The following ANXA4 variants were observed in gnomAD, a reference collection of about 807,000 sequenced individuals.
The protein encoded by ANXA4 is 35-beta calcimedin.
ANXA4 carries 39 observed loss-of-function variants against 49.8 expected under a neutral mutation model. The ratio of observed to expected loss-of-function variants is 0.78; its 90% CI spans 0.61 to 1.02. The LOEUF (loss-of-function observed/expected upper bound fraction) is 1.02, where lower values mean the gene tolerates loss of function less well. Among genes scored for constraint, ANXA4 ranks in the 50% least tolerant of loss-of-function variants. The pLI, the probability that ANXA4 is intolerant of heterozygous loss-of-function variation, is 0.00. For missense variants in ANXA4, 360 were observed against 410.1 expected, an observed-to-expected ratio of 0.88 and a Z score of 1.05; for synonymous variants, 134 against 152.5, an observed-to-expected ratio of 0.88 and a Z score of 0.89.
chr2:69,775,667 T>C (rs1671932677), intron 1 of ANXA4, among the ~76,000 whole-genome samples: 1 of 152,232 alleles, frequency 6.6e-6, no homozygotes, highest in East Asian at 1.9e-4. Flanking sequence ...AGAGCATGTA[T>C]AGGAGAGGCT....
intron 2 of ANXA4, among the ~76,000 whole-genome samples, chr2:69,702,159 G>GCAC (rs1678349433): frequency 6.6e-6 from 1 of 150,940 alleles, no homozygotes; most frequent in African/African-American, 2.4e-5. Flanking sequence ...TTACAGGTGT[G>GCAC]CGCCACCACC....
At chr2:69,700,303 G>C (rs1161138566) in intron 2 of ANXA4, 1 of 152,116 alleles carries the variant, frequency 6.6e-6, no homozygotes, top group Non-Finnish European at 1.5e-5. Flanking sequence ...GATCTCTTGA[G>C]CCCAGGAGTT....
intron 2 of ANXA4, among the ~76,000 whole-genome samples, chr2:69,667,320 C>A (rs544360139): frequency 6.6e-6 from 1 of 151,876 alleles, no homozygotes; most frequent in Admixed American, 6.6e-5. Context: ...TAAACTGGCA[C>A]GTGAATACCT....
intron 3 of ANXA4, among the ~76,000 whole-genome samples, chr2:69,792,653 C>A (rs1188426018): frequency 1.3e-5 from 2 of 151,744 alleles, no homozygotes; most frequent in Non-Finnish European, 2.9e-5. Context: ...TAAGACAATT[C>A]TTTATTTCTA....
In ANXA4 at chr2:69,820,700, G is replaced by T; in HGVS notation, c.785G>T (p.Gly262Val). The change falls in exon 12 of 13, where the codon GGC becomes GTC. Residue 262 changes from glycine (G) to valine (V), a missense_variant and splice_region_variant. Coordinates refer to ENST00000394295, the MANE Select transcript of ANXA4 (RefSeq NM_001153.5). ...TTTGGATTTCGTTTTCTTCCTTAGG[G>T]CTTGGGCACCGATGATAACACCCTC... The part of the protein sequence containing the change: ...FAEKLYKSMK[G>V]LGTDDNTLIR... 1 of 1,613,738 alleles carries T rather than the reference G, an allele frequency of 6.2e-7. No individual in the cohort carries two copies. The highest frequency in any genetic ancestry group is 8.5e-7 in the Non-Finnish European group (1 of 1,179,888).
Position 69,722,725 on chromosome 2 carries a change from T to A in ANXA4, n.864+1854T>A, listed in dbSNP as rs1573147560. 3.3e-5 allele frequency among the ~76,000 whole-genome samples: 5 copies of A among 152,070 alleles called. No individual in the cohort carries two copies. In the South Asian group the frequency reaches 1.0e-3, roughly 32 times the overall value. ...TGCACAACATCGTGAATTTAATTAA[T>A]GCCACTGAATTTATGCACGTCAAAA... On this transcript the variant is annotated intron_variant and non_coding_transcript_variant, in intron 3 of 3. Coordinates refer to the ANXA4 transcript ENST00000418066.
intron 1 of ANXA4, 166 bp from the exon 2 acceptor site, chr2:69,781,354 A>T: frequency 1.6e-6 from 1 of 613,832 alleles, no homozygotes; most frequent in Non-Finnish European, 2.9e-6. Flanking sequence ...CAGTTTCTCT[A>T]ATTAGCCCAT....
At chr2:69,679,200 G>A (rs2105354707) in intron 2 of ANXA4, among the ~76,000 whole-genome samples, 1 of 152,190 alleles carries the variant, frequency 6.6e-6, no homozygotes, top group South Asian at 2.1e-4. Flanking sequence ...ACAGTGGCAT[G>A]ATCACAGCTC....
At chr2:69,805,605 A>T (rs1375722989) in intron 4 of ANXA4, among the ~76,000 whole-genome samples, 1 of 108,464 alleles carries the variant, frequency 9.2e-6, no homozygotes, top group Non-Finnish European at 1.6e-5. Context: ...GACTCCATCT[A>T]AAAAAAAAAA....
chr2:69,819,191 T>G, intron 10 of ANXA4, 89 bp from the exon 11 acceptor site: 2 of 954,656 alleles, frequency 2.1e-6, no homozygotes, highest in Non-Finnish European at 3.1e-6. Context: ...ATTGATACCT[T>G]GTAGAAACAG....
intron 7 of ANXA4, among the ~76,000 whole-genome samples, chr2:69,811,727 T>C (rs1005850726): frequency 2.0e-5 from 3 of 152,226 alleles, no homozygotes; most frequent in African/African-American, 7.2e-5. Context: ...CTTGCCTGTT[T>C]CTGTTAATAT....
chr2:69,645,199 T>TTTGTTG, intron 1 of ANXA4, among the ~76,000 whole-genome samples: 1 of 152,196 alleles, frequency 6.6e-6, no homozygotes, highest in African/African-American at 2.4e-5. Flanking sequence ...AACAGTAGCG[T>TTTGTTG]TTGTTGTTGC....
At chr2:69,686,607 C>T (rs1253960290) in intron 2 of ANXA4, among the ~76,000 whole-genome samples, 1 of 152,168 alleles carries the variant, frequency 6.6e-6, no homozygotes, top group East Asian at 1.9e-4. Context: ...CGTGCCCCAC[C>T]ATGCTTGGCT....
chr2:69,669,284 A>G (rs1304525080), intron 2 of ANXA4, among the ~76,000 whole-genome samples: 1 of 151,830 alleles, frequency 6.6e-6, no homozygotes, highest in Non-Finnish European at 1.5e-5. Flanking sequence ...TATTACCAGT[A>G]TAAGGGTGTA....
At chr2:69,644,219 C>A (rs1204867559), upstream of ANXA4, among the ~76,000 whole-genome samples, 3 of 132,752 alleles carry the variant, frequency 2.3e-5, no homozygotes, top group African/African-American at 5.5e-5. Flanking sequence ...ATCTTATTTG[C>A]GGCCTGGCCT....
chr2:69,774,708 C>G (rs771626669), intron 1 of ANXA4, among the ~76,000 whole-genome samples: 1 of 152,114 alleles, frequency 6.6e-6, no homozygotes, highest in Non-Finnish European at 1.5e-5. Flanking sequence ...AGACAAATAC[C>G]CCGATGATCA....
Position 69,820,581 on chromosome 2 carries a change from T to C in ANXA4, c.784-118T>C, listed in dbSNP as rs538465108. 988 of 1,201,280 alleles carry C rather than the reference T, an allele frequency of 8.2e-4. 14 individuals are homozygous for C. In the South Asian group the frequency reaches 0.013, roughly 16 times the overall value. 74.4% of individuals were successfully genotyped at this position (1,201,280 alleles called of 1,614,324 possible). The stretch of plus-strand genomic sequence containing the variant: ...GAGGATATTCCTCAGGCCTGCCAAG[T>C]AGTGGAGCAAAGGACATCGTCAGCA... On this transcript the variant is annotated intron_variant, in intron 11 of 12. Coordinates refer to ENST00000394295, the MANE Select transcript of ANXA4 (RefSeq NM_001153.5).
At chr2:69,655,991 CAG>C (rs1311870249) in intron 2 of ANXA4, among the ~76,000 whole-genome samples, 2 of 151,672 alleles carry the variant, frequency 1.3e-5, no homozygotes, top group African/African-American at 2.4e-5. Context: ...CACATGGACA[CAG>C]GGAGGGGAAC....
At chr2:69,696,242 A>G (rs1330442469) in intron 2 of ANXA4, among the ~76,000 whole-genome samples, 1 of 152,100 alleles carries the variant, frequency 6.6e-6, no homozygotes, top group Non-Finnish European at 1.5e-5. Flanking sequence ...GTTTCTTGTC[A>G]TTTCAACACT....
Sources: gnomAD v4.1 joint callset for allele counts (sites outside exome capture counted in the v4.1 genomes callset) on GRCh38, gnomAD v4.1.1 for gene constraint, MANE v1.5 for transcripts, NCBI Gene and HGNC (gene_info 2026-07-23, HGNC 2026-07-21) for gene names.